HTR2B: variants seen among roughly 807,000 people sequenced by gnomAD.
HTR2B encodes 5-HT 2B receptor.
A neutral mutation model predicts 39.8 loss-of-function variants in HTR2B; 31 were observed. The ratio of observed to expected loss-of-function variants is 0.78; its 90% CI spans 0.58 to 1.05. The LOEUF is 1.05. Among genes scored for constraint, HTR2B ranks in the 50% least tolerant of loss-of-function variants. The probability of loss-of-function intolerance (pLI) is 0.00; values close to 1 mark genes in which losing one functional copy is unlikely to be tolerated. For missense variants in HTR2B, 562 were observed against 578.0 expected (o/e 0.97, Z 0.28); for synonymous variants, 210 against 207.1 (o/e 1.01, Z -0.12).
chr2:231,123,515 T>A lies in HTR2B; in HGVS notation c.250A>T (p.Lys84Ter), dbSNP rs1356770359. 6.2e-7 allele frequency: 1 copy of A among 1,613,890 alleles called. No homozygotes were observed. Among genetic ancestry groups the A allele is most frequent in the Non-Finnish European group, 8.5e-7 (1 of 1,179,876 alleles). The change falls in exon 2 of 4, where the codon AAG (lysine) becomes TAG (stop). Residue 84 changes from lysine to a stop codon, truncating the protein, a stop_gained. Transcript: ENST00000258400. LOFTEE classifies it high-confidence loss of function. ...LVILAVSLEK[K>*]LQYATNYFLM... ...AAGTAATTAGTAGCATACTGCAGCT[T>A]CTTCTCCAGTGAAACAGCCAGAATA...
chr2:231,112,082 A>G (rs1006667911), intron 3 of HTR2B, among the ~76,000 whole-genome samples: 1 of 152,062 alleles, frequency 6.6e-6, no homozygotes, highest in African/African-American at 2.4e-5. Context: ...AAATATTTTA[A>G]TTATTCTTAA....
chr2:231,118,260 A>G (rs1695412131), intron 2 of HTR2B, among the ~76,000 whole-genome samples: 2 of 152,308 alleles, frequency 1.3e-5, no homozygotes, highest in South Asian at 4.1e-4. Flanking sequence ...ATTGTTTAAC[A>G]GAAACTAGCC....
At position 231,108,550 on chromosome 2, in the gene HTR2B, A is replaced by G. The variant is rs771798794; in HGVS notation, c.1413T>C (p.Gly471=). ...LDTLLLTENE[G]DKTEEQVSYV Reference sequence around the variant, plus strand: ...AACTAACTTGCTCTTCAGTTTTGTCACCTTCATTTTCAGTGAGGAGAAGCG... The same window carrying G: ...AACTAACTTGCTCTTCAGTTTTGTCGCCTTCATTTTCAGTGAGGAGAAGCG... The change falls in exon 4 of 4, where the codon GGT becomes GGC. Residue 471 remains glycine (G), a synonymous_variant. Coordinates refer to ENST00000258400, the MANE Select transcript of HTR2B (RefSeq NM_000867.5). 2.5e-6 allele frequency: 4 copies of G among 1,613,928 alleles called. No homozygotes were observed. Among genetic ancestry groups the G allele is most frequent in the Non-Finnish European group, 3.4e-6 (4 of 1,179,962 alleles).
intron 2 of HTR2B, among the ~76,000 whole-genome samples, chr2:231,120,847 A>G (rs1328936425): frequency 6.6e-6 from 1 of 152,246 alleles, no homozygotes; most frequent in East Asian, 1.9e-4. Flanking sequence ...CTAAAGATTA[A>G]CACTACAATA....
chr2:231,113,947 AAGACAAACAT>A lies in HTR2B; in HGVS notation c.353-28_353-19del. 6.2e-7 allele frequency: 1 copy of A among 1,604,662 alleles called. No individual in the cohort carries two copies. Among genetic ancestry groups the A allele is most frequent in the Non-Finnish European group, 8.5e-7 (1 of 1,171,688 alleles). ...CATAGCCTCTGAAAGAAACAAAAAC[AAGACAAACAT>A]TTTATTCTATAAAATGGCAACTTTC... On this transcript the variant is annotated intron_variant, in intron 2 of 3. Coordinates refer to ENST00000258400, the MANE Select transcript of HTR2B (RefSeq NM_000867.5).
chr2:231,115,951 T>A (rs187904780), intron 2 of HTR2B, among the ~76,000 whole-genome samples: 9 of 152,206 alleles, frequency 5.9e-5, no homozygotes, highest in Admixed American at 2.0e-4. Flanking sequence ...TTGGAAGACT[T>A]TCTGGTAAGG....
chr2:231,110,253 G>A (rs1004475851), intron 3 of HTR2B, among the ~76,000 whole-genome samples: 5 of 151,922 alleles, frequency 3.3e-5, no homozygotes, highest in African/African-American at 4.8e-5. Flanking sequence ...CCAGGAGGCC[G>A]AGGTTGCAGT....
At chr2:231,122,150 A>G (rs1695567281) in intron 2 of HTR2B, among the ~76,000 whole-genome samples, 1 of 152,162 alleles carries the variant, frequency 6.6e-6, no homozygotes, top group Admixed American at 6.5e-5. Context: ...AAAGACTGTT[A>G]ATTATTAGAA....
At chr2:231,122,767 G>A (rs1173902808) in intron 2 of HTR2B, among the ~76,000 whole-genome samples, 2 of 151,950 alleles carry the variant, frequency 1.3e-5, no homozygotes, top group African/African-American at 4.8e-5. Flanking sequence ...AGGCCTATCA[G>A]GAACACAGAT....
intron 1 of HTR2B, among the ~76,000 whole-genome samples, chr2:231,124,557 A>G (rs1437022073): frequency 6.6e-6 from 1 of 152,044 alleles, no homozygotes; most frequent in Non-Finnish European, 1.5e-5. Context: ...TATAAATGTC[A>G]TTTTAGATTT....
At chr2:231,109,984 A>G (rs1695099853) in intron 3 of HTR2B, among the ~76,000 whole-genome samples, 2 of 152,204 alleles carry the variant, frequency 1.3e-5, no homozygotes, top group Admixed American at 1.3e-4. Context: ...AGTGTGTGTG[A>G]ATCATGATGT....
In HTR2B at chr2:231,123,792, T is replaced by A; in HGVS notation, c.-28A>T. 3 of 1,515,970 alleles carry A rather than the reference T, an allele frequency of 2.0e-6. No individual in the cohort carries two copies. Among genetic ancestry groups the A allele is most frequent in the Non-Finnish European group, 2.8e-6 (3 of 1,090,854 alleles). 93.9% of individuals were successfully genotyped at this position (1,515,970 alleles called of 1,614,324 possible). A position where few individuals can be genotyped will look rare whatever the true frequency, so the allele number is the denominator to read the frequency against. ...GCTGTTTTTCTGTGATTCAATCCCG[T>A]TCCGAACAGTGGTCAGCATGGTTAG... On this transcript the variant is annotated 5_prime_UTR_variant, in exon 2 of 4. Transcript: ENST00000258400.
chr2:231,109,487 C>T (rs2125205593), intron 3 of HTR2B, 78 bp from the exon 4 acceptor site: 2 of 1,249,346 alleles, frequency 1.6e-6, no homozygotes, highest in East Asian at 2.3e-5. Flanking sequence ...TGGATTGTAT[C>T]CTTATAACTT....
chr2:231,115,877 ACT>A (rs1298174983), intron 2 of HTR2B, among the ~76,000 whole-genome samples: 5 of 152,054 alleles, frequency 3.3e-5, no homozygotes, highest in Non-Finnish European at 7.4e-5. Flanking sequence ...ACTGTATCAG[ACT>A]CTGCAGTTAA....
chr2:231,108,725 C>T lies in HTR2B; in HGVS notation c.1238G>A (p.Ser413Asn), dbSNP rs1387911502. The T allele has an allele frequency of 6.2e-7, 1 of 1,614,082 alleles. No homozygotes were observed. The highest frequency in any genetic ancestry group is 8.5e-7 in the Non-Finnish European group (1 of 1,179,998). ...KSVKTLRKRS[S>N]KIYFRNPMAE... Reference sequence around the variant, plus strand: ...CATTGGATTCCGGAAGTAGATCTTACTGGAGCGTTTTCTGAGAGTTTTTAC... The same window carrying T: ...CATTGGATTCCGGAAGTAGATCTTATTGGAGCGTTTTCTGAGAGTTTTTAC... Residue 413 changes from serine (S) to asparagine (N), a missense_variant, in exon 4 of 4, where the codon AGT becomes AAT. Ser to Asn is a conservative substitution (Grantham distance 46). Transcript: ENST00000258400.
chr2:231,119,819 G>A (rs1695468337), intron 2 of HTR2B, among the ~76,000 whole-genome samples: 3 of 136,420 alleles, frequency 2.2e-5, no homozygotes, highest in Middle Eastern at 4.7e-3. Context: ...GCAGTGAACT[G>A]AGATCATGCC....
rs1425355982 is a variant in HTR2B at position 231,108,528 on chromosome 2, T to C, written c.1435A>G (p.Ser479Gly). The C allele has an allele frequency of 5.6e-6, 9 of 1,613,376 alleles. No individual in the cohort carries two copies. Among genetic ancestry groups the C allele is most frequent in the Non-Finnish European group, 7.6e-6 (9 of 1,179,580 alleles). The stretch of plus-strand genomic sequence containing the variant: ...AACTGCCAGTTCTGCTATACATAAC[T>C]AACTTGCTCTTCAGTTTTGTCACCT... ...NEGDKTEEQV[S>G]YV The change falls in exon 4 of 4, where the codon AGT becomes GGT. Residue 479 changes from serine to glycine, a missense_variant. By Grantham distance (56) the Ser-to-Gly change is moderately conservative (BLOSUM62 0). Coordinates refer to ENST00000258400, the MANE Select transcript of HTR2B (RefSeq NM_000867.5).
intron 2 of HTR2B, among the ~76,000 whole-genome samples, chr2:231,122,136 A>G (rs1695566484): frequency 1.3e-5 from 2 of 152,252 alleles, no homozygotes; most frequent in Non-Finnish European, 2.9e-5. Flanking sequence ...AAACAGGGAG[A>G]TAGAAAGACT....
At chr2:231,115,858 C>T (rs1695314219) in intron 2 of HTR2B, among the ~76,000 whole-genome samples, 1 of 152,132 alleles carries the variant, frequency 6.6e-6, no homozygotes, top group Admixed American at 6.6e-5. Flanking sequence ...TGGGTCTCAT[C>T]TCAGACCTAC....
Sources: allele counts gnomAD v4.1 joint callset (sites outside exome capture counted in the v4.1 genomes callset), GRCh38; gene constraint gnomAD v4.1.1; transcripts MANE v1.5; gene names NCBI Gene and HGNC (gene_info 2026-07-23, HGNC 2026-07-21).